Variants in ACSBG1 observed in about 807,000 individuals in gnomAD.
The protein encoded by ACSBG1 is acyl-CoA synthetase bubblegum family member 1, also known as long-chain-fatty-acid--CoA ligase ACSBG1.
A neutral mutation model predicts 80.2 loss-of-function variants in ACSBG1; 39 were observed. That is an observed-to-expected ratio of 0.49 (90% CI 0.38 to 0.64). ACSBG1 has a LOEUF of 0.64. Ranked by LOEUF, ACSBG1 falls within the 30% of genes least tolerant of loss-of-function variation. The pLI, the probability that ACSBG1 is intolerant of heterozygous loss-of-function variation, is 0.00. For synonymous variants in ACSBG1, 392 were observed against 379.5 expected (o/e 1.03, Z -0.38); for missense variants, 828 against 966.4 (o/e 0.86, Z 1.90).
chr15:78,181,528 C>T (rs1191857201), intron 8 of ACSBG1, among the ~76,000 whole-genome samples: 1 of 135,168 alleles, frequency 7.4e-6, no homozygotes, highest in African/African-American at 2.8e-5. Context: ...CTGGGCCATG[C>T]TGTTGCCCAG....
At chr15:78,196,879 AACAT>A in intron 2 of ACSBG1, among the ~76,000 whole-genome samples, 1 of 151,870 alleles carries the variant, frequency 6.6e-6, no homozygotes, top group East Asian at 1.9e-4. Context: ...CAGCCTGGGC[AACAT>A]AGTGAGACCC....
chr15:78,207,904 TTC>T (rs2075230127), intron 2 of ACSBG1, 96 bp downstream of exon 2: 2 of 924,400 alleles, frequency 2.2e-6, no homozygotes, highest in Non-Finnish European at 3.4e-6. Context: ...CTTCCCGCAG[TTC>T]TGTGTGGTGG....
At position 78,179,895 on chromosome 15, in the gene ACSBG1, C is replaced by T. The variant is rs112803683; in HGVS notation, c.1254-115G>A. ...GGTATTCAGTGAGAACACCCTGGCT[C>T]GGCCATTCCAGTTGTCTGTTCCAGT... On this transcript the variant is annotated intron_variant, in intron 9 of 13. Transcript: ENST00000258873. The T allele has an allele frequency of 8.9e-4, 784 of 879,306 alleles. 4 individuals are homozygous for T. In the African/African-American group the frequency reaches 0.011, roughly 12 times the overall value. 54.5% of individuals were successfully genotyped at this position (879,306 alleles called of 1,614,324 possible). A position where few individuals can be genotyped will look rare whatever the true frequency, so the allele number is the denominator to read the frequency against.
At chr15:78,200,034 C>T (rs1244155497) in intron 2 of ACSBG1, among the ~76,000 whole-genome samples, 2 of 152,116 alleles carry the variant, frequency 1.3e-5, no homozygotes, top group South Asian at 2.1e-4. Context: ...GGAGGTTTAC[C>T]GGATCAAGAG....
chr15:78,209,544 G>C (rs2075250143), intron 1 of ACSBG1, among the ~76,000 whole-genome samples: 1 of 152,228 alleles, frequency 6.6e-6, no homozygotes, highest in South Asian at 2.1e-4. Flanking sequence ...CTTGGTTACA[G>C]CTCTCTGGGA....
intron 2 of ACSBG1, among the ~76,000 whole-genome samples, chr15:78,198,618 G>A (rs1448825483): frequency 6.6e-6 from 1 of 152,218 alleles, no homozygotes; most frequent in Non-Finnish European, 1.5e-5. Flanking sequence ...AAAGTGCTGG[G>A]ATTACAGGCA....
chr15:78,199,510 G>A (rs1383041314), intron 2 of ACSBG1, among the ~76,000 whole-genome samples: 1 of 152,032 alleles, frequency 6.6e-6, no homozygotes, highest in African/African-American at 2.4e-5. Flanking sequence ...GAACAATAGA[G>A]AGACCTTGTC....
chr15:78,189,843 A>G (rs28384144), intron 5 of ACSBG1, among the ~76,000 whole-genome samples: 2,285 of 152,112 alleles, frequency 0.015, 56 homozygotes, highest in African/African-American at 0.052. Flanking sequence ...TAAAATAAAT[A>G]AAAATAAATT....
chr15:78,192,325 G>T (rs1480376285), intron 5 of ACSBG1, among the ~76,000 whole-genome samples: 1 of 152,090 alleles, frequency 6.6e-6, no homozygotes, highest in African/African-American at 2.4e-5. Context: ...TTTGAGCTCT[G>T]GCAGGTCCAG....
chr15:78,173,915 C>A, intron 12 of ACSBG1, 76 bp from the exon 13 acceptor site: 1 of 1,525,914 alleles, frequency 6.6e-7, no homozygotes, highest in Non-Finnish European at 8.8e-7. Context: ...GGAGGTCTTA[C>A]TGCTGTCGGC....
At chr15:78,185,128 G>C (rs932215983) in intron 5 of ACSBG1, among the ~76,000 whole-genome samples, 7 of 151,984 alleles carry the variant, frequency 4.6e-5, no homozygotes, top group African/African-American at 1.7e-4. Context: ...ACCAAGATCA[G>C]AACTCAGGAA....
intron 11 of ACSBG1, chr15:78,174,843 C>T: frequency 2.5e-6 from 1 of 400,222 alleles, no homozygotes. Context: ...GTGTCATTTC[C>T]CTTCCCTGCC....
chr15:78,178,480 T>C lies in ACSBG1; in HGVS notation c.1702+134A>G, dbSNP rs892111385. The C allele has an allele frequency of 4.1e-6, 4 of 971,688 alleles. No homozygotes were observed. Among genetic ancestry groups the C allele is most frequent in the Middle Eastern group, 3.3e-4 (1 of 2,998 alleles). The allele number at this position is 971,688 out of a possible 1,614,324, so 60.2% of individuals were successfully genotyped here. The stretch of plus-strand genomic sequence containing the variant: ...CGCCCAGCTAATTTTTCGTGTGTTT[T>C]TAGTAGAGATGGGGTTTCGCTGTGC... On this transcript the variant is annotated intron_variant, in intron 11 of 13. Transcript: ENST00000258873. This position sits in a 1 kb window ranked among gnomAD's most constrained non-coding sequence, Gnocchi z 4.3.
chr15:78,189,078 C>T (rs2075033536), intron 5 of ACSBG1, among the ~76,000 whole-genome samples: 1 of 151,940 alleles, frequency 6.6e-6, no homozygotes, highest in African/African-American at 2.4e-5. Context: ...AAATGCTCAC[C>T]ATCACTGGCC....
At chr15:78,184,820 C>A (rs2074982586) in intron 5 of ACSBG1, among the ~76,000 whole-genome samples, 1 of 152,144 alleles carries the variant, frequency 6.6e-6, no homozygotes, top group Non-Finnish European at 1.5e-5. Context: ...GCGCCCAGGG[C>A]CCCAGTGCCC....
chr15:78,181,447 G>A (rs543050715), intron 8 of ACSBG1, among the ~76,000 whole-genome samples: 11 of 150,988 alleles, frequency 7.3e-5, no homozygotes, highest in Admixed American at 2.6e-4. Flanking sequence ...CACAAGTCCC[G>A]CGAACCACTC....
At chr15:78,231,878 T>C (rs915435720) in intron 1 of ACSBG1, among the ~76,000 whole-genome samples, 1 of 152,224 alleles carries the variant, frequency 6.6e-6, no homozygotes, top group East Asian at 1.9e-4. Flanking sequence ...CATGAGCCAC[T>C]GCACCTGGCT....
chr15:78,176,228 T>C (rs761702169), intron 11 of ACSBG1, among the ~76,000 whole-genome samples: 4 of 152,138 alleles, frequency 2.6e-5, no homozygotes, highest in Non-Finnish European at 5.9e-5. Flanking sequence ...AATGATAAGT[T>C]AGTGAATGCT....
intron 1 of ACSBG1, among the ~76,000 whole-genome samples, chr15:78,225,970 A>G (rs778678887): frequency 5.3e-5 from 8 of 152,184 alleles, no homozygotes; most frequent in Non-Finnish European, 1.0e-4. Context: ...AGTTCTTTGT[A>G]GGTTGTTGTC....
Sources: allele counts gnomAD v4.1 joint callset (sites outside exome capture counted in the v4.1 genomes callset), GRCh38; gene constraint gnomAD v4.1.1; non-coding constraint Gnocchi (gnomAD v3.1); transcripts MANE v1.5; gene names NCBI Gene and HGNC (gene_info 2026-07-23, HGNC 2026-07-21).